WDR7: variants seen among roughly 807,000 people sequenced by gnomAD.
The protein encoded by WDR7 is WD repeat-containing protein 7.
A neutral mutation model predicts 169.4 loss-of-function variants in WDR7; 46 were observed. The ratio of observed to expected loss-of-function variants is 0.27; its 90% CI spans 0.21 to 0.35. WDR7 has a LOEUF of 0.35. WDR7 is among the 10% of genes least tolerant of loss of function. WDR7 has a pLI of 1.00. For missense variants in WDR7, 1,534 were observed against 1,859.3 expected (o/e 0.83, Z 3.22); for synonymous variants, 612 against 666.8 (o/e 0.92, Z 1.27).
intron 17 of WDR7, among the ~76,000 whole-genome samples, chr18:56,777,870 T>G (rs1293474211): frequency 2.6e-5 from 4 of 152,188 alleles, no homozygotes; most frequent in Non-Finnish European, 4.4e-5. Flanking sequence ...GGTTTGTATG[T>G]TAAGACCGAA....
At chr18:56,690,326 A>ATTTACTT (rs2025537325) in intron 7 of WDR7, among the ~76,000 whole-genome samples, 1 of 152,202 alleles carries the variant, frequency 6.6e-6, no homozygotes, top group African/African-American at 2.4e-5. Context: ...TGCCTTGCAA[A>ATTTACTT]TGTAAAGCCC....
At chr18:56,971,070 G>A (rs997776380) in intron 26 of WDR7, among the ~76,000 whole-genome samples, 1 of 152,042 alleles carries the variant, frequency 6.6e-6, no homozygotes, top group Non-Finnish European at 1.5e-5. Flanking sequence ...TCAGGAGTTC[G>A]AGACCAGCCT....
intron 21 of WDR7, among the ~76,000 whole-genome samples, chr18:56,919,783 C>G (rs1361337470): frequency 6.6e-6 from 1 of 152,068 alleles, no homozygotes; most frequent in African/African-American, 2.4e-5. Flanking sequence ...TTCAGAAATT[C>G]TATGATTCTA....
chr18:57,035,014 C>T, the WDR7 span: 1 of 152,262 alleles, frequency 6.6e-6, no homozygotes, highest in African/African-American at 2.4e-5. Flanking sequence ...CTTGAACCCC[C>T]GATTCCAGTG....
At chr18:56,937,926 A>G (rs952677551) in intron 23 of WDR7, among the ~76,000 whole-genome samples, 7 of 152,242 alleles carry the variant, frequency 4.6e-5, no homozygotes, top group African/African-American at 1.7e-4. Flanking sequence ...TAGTCTTACT[A>G]TAAAGTAAAC....
At chr18:56,842,340 G>A (rs1228324783) in intron 20 of WDR7, among the ~76,000 whole-genome samples, 2 of 147,832 alleles carry the variant, frequency 1.4e-5, no homozygotes, top group Admixed American at 6.8e-5. Context: ...CGGGGGAGGG[G>A]GACCAAATCA....
At chr18:56,694,063 G>A (rs1355557583) in intron 9 of WDR7, among the ~76,000 whole-genome samples, 28 of 151,628 alleles carry the variant, frequency 1.8e-4, no homozygotes, top group Non-Finnish European at 7.4e-5. Flanking sequence ...TGTAGAGACA[G>A]GATTTCGCTT....
intron 20 of WDR7, among the ~76,000 whole-genome samples, chr18:56,849,585 G>A (rs1010842251): frequency 3.3e-5 from 5 of 152,038 alleles, no homozygotes; most frequent in Non-Finnish European, 7.4e-5. Flanking sequence ...TCAACTCCAG[G>A]ATTACCATCC....
chr18:56,838,771 T>C (rs969413048), intron 20 of WDR7, among the ~76,000 whole-genome samples: 1 of 152,160 alleles, frequency 6.6e-6, no homozygotes, highest in Non-Finnish European at 1.5e-5. Context: ...GGGATGTGAA[T>C]TGTTTTGCGT....
chr18:56,972,224 C>A (rs928143145), intron 26 of WDR7, among the ~76,000 whole-genome samples: 1 of 152,126 alleles, frequency 6.6e-6, no homozygotes, highest in Non-Finnish European at 1.5e-5. Context: ...TCAGCAAACA[C>A]ACCTATATTA....
At chr18:56,867,059 C>G (rs1455123065) in intron 20 of WDR7, among the ~76,000 whole-genome samples, 2 of 151,946 alleles carry the variant, frequency 1.3e-5, no homozygotes, top group Non-Finnish European at 2.9e-5. Context: ...GGGTCTCACT[C>G]TGTTGCCCAG....
chr18:56,776,701 C>T, intron 16 of WDR7, 81 bp from the exon 17 acceptor site: 1 of 1,216,972 alleles, frequency 8.2e-7, no homozygotes. Flanking sequence ...GTTTTTCATT[C>T]TTCACTAATA....
chr18:56,651,834 G>C (rs1017565883), intron 1 of WDR7: 2 of 152,350 alleles, frequency 1.3e-5, no homozygotes, highest in Non-Finnish European at 2.9e-5. Context: ...AGTTGCTTTG[G>C]TCTTGAGGTG....
At chr18:56,716,802 T>A (rs1227648074) in intron 12 of WDR7, among the ~76,000 whole-genome samples, 1 of 152,198 alleles carries the variant, frequency 6.6e-6, no homozygotes, top group East Asian at 1.9e-4. Context: ...ATTCTAAAGG[T>A]TCTTGGAAGT....
Position 56,731,480 on chromosome 18 carries a change from A to C in WDR7, c.1872A>C (p.Pro624=), listed in dbSNP as rs142338076. ...VPAAVDSLSH[P]AVNLKQAMTR... is the part of the protein sequence containing the mutation. ...CTGCTGTTGATTCACTTAGTCATCC[A>C]GCAGTCAACCTAAAACAAGCTATGA... The change falls in exon 14 of 28, where the codon CCA becomes CCC. Residue 624 remains proline (P), a synonymous_variant. Transcript: ENST00000254442. 6.2e-7 allele frequency: 1 copy of C among 1,614,092 alleles called. No individual in the cohort carries two copies. The highest frequency in any genetic ancestry group is 1.3e-5 in the African/African-American group (1 of 74,942).
At chr18:56,888,810 G>T (rs1357651544) in intron 21 of WDR7, among the ~76,000 whole-genome samples, 1 of 152,190 alleles carries the variant, frequency 6.6e-6, no homozygotes, top group Non-Finnish European at 1.5e-5. Context: ...CGAGGCAGCA[G>T]ACTCCGAGGC....
chr18:56,906,106 A>G (rs1406289776), intron 21 of WDR7, among the ~76,000 whole-genome samples: 1 of 152,218 alleles, frequency 6.6e-6, no homozygotes. Flanking sequence ...AGAGCCAGGC[A>G]TTGTACGCTT....
rs1041308749 is a variant in WDR7, at chr18:56,696,305, A to G, written c.1421A>G (p.His474Arg). 2.5e-6 allele frequency: 4 copies of G among 1,613,844 alleles called. No individual in the cohort carries two copies. In the African/African-American group the frequency reaches 5.3e-5, roughly 22 times the overall value. Residue 474 changes from histidine (H) to arginine (R), a missense_variant, in exon 12 of 28, where the codon CAT (histidine) becomes CGT (arginine). Transcript: ENST00000254442. ...AAAGTCACATGTTTGCTATATCCTC[A>G]TCAGGTCTCAGCTCGGTATGATCAA... ...RNKVTCLLYP[H>R]QVSARYDQRY... is the part of the protein sequence containing the mutation.
chr18:56,968,684 C>G (rs944696082), intron 26 of WDR7, among the ~76,000 whole-genome samples: 1 of 152,132 alleles, frequency 6.6e-6, no homozygotes, highest in Non-Finnish European at 1.5e-5. Context: ...TAACATGTGC[C>G]TTGTCACGCA....
Sources: allele counts gnomAD v4.1 joint callset (sites outside exome capture counted in the v4.1 genomes callset), GRCh38; gene constraint gnomAD v4.1.1; transcripts MANE v1.5; gene names NCBI Gene and HGNC (gene_info 2026-07-23, HGNC 2026-07-21).